The following DRD3 variants were observed in gnomAD, a reference collection of about 807,000 sequenced individuals.
DRD3 encodes the protein dopamine receptor D3.
DRD3 carries 19 observed loss-of-function variants against 36.3 expected under a neutral mutation model. The observed-to-expected ratio is 0.52, with a 90% CI of 0.36 to 0.77. The LOEUF (loss-of-function observed/expected upper bound fraction) is 0.77, where lower values mean the gene tolerates loss of function less well. Ranked by LOEUF, DRD3 falls within the 30% of genes least tolerant of loss-of-function variation. The pLI is 0.00. For missense variants in DRD3, 465 were observed against 505.3 expected (o/e 0.92, Z 0.77); for synonymous variants, 195 against 203.7 (o/e 0.96, Z 0.36).
chr3:114,164,349 G>A (rs563323616), intron 2 of DRD3, among the ~76,000 whole-genome samples: 1 of 151,442 alleles, frequency 6.6e-6, no homozygotes, highest in Admixed American at 6.6e-5. Context: ...CAGCAACCAG[G>A]TGGTGTTACT....
Position 114,140,024 on chromosome 3 carries a change from C to G in DRD3, c.527-328G>C, listed in dbSNP as rs75803210. Among the ~76,000 whole-genome samples the G allele has an allele frequency of 3.4e-4, 52 of 152,264 alleles. No individual in the cohort carries two copies. The East Asian group carries it at 9.5e-3, about 28-fold the overall frequency. ...AGATGATCCCTTTCATAGGATGTCA[C>G]AAGTGTCACACAGAGACATGCAGCC... On this transcript the variant is annotated intron_variant, in intron 4 of 6. Transcript: ENST00000383673.
intron 3 of DRD3, among the ~76,000 whole-genome samples, chr3:114,156,780 TTTCTTTCTTTCTTTCTTTCTC>T (rs2077679028): frequency 9.0e-6 from 1 of 111,136 alleles, no homozygotes; most frequent in Admixed American, 9.9e-5. Flanking sequence ...TCTTTCTTTC[TTTCTTTCTTTCTTTCTTTCTC>T]TTTTCTTTTT....
chr3:114,165,189 C>T (rs916020845), intron 2 of DRD3, among the ~76,000 whole-genome samples: 4 of 151,870 alleles, frequency 2.6e-5, no homozygotes, highest in African/African-American at 9.7e-5. Context: ...AGTGGCAGGT[C>T]CAAAATTCCT....
chr3:114,190,985 G>C (rs1336951187), intron 1 of DRD3, among the ~76,000 whole-genome samples: 2 of 152,156 alleles, frequency 1.3e-5, no homozygotes, highest in Admixed American at 6.5e-5. Context: ...GTTCAAGCTA[G>C]GGCATGATAA....
At chr3:114,156,144 C>T (rs1352807338) in intron 3 of DRD3, among the ~76,000 whole-genome samples, 1 of 152,178 alleles carries the variant, frequency 6.6e-6, no homozygotes, top group Non-Finnish European at 1.5e-5. Context: ...GCCAAAGCCA[C>T]ACCATTAGTA....
intron 1 of DRD3, among the ~76,000 whole-genome samples, chr3:114,190,239 CA>C (rs1205570227): frequency 6.6e-6 from 1 of 150,998 alleles, no homozygotes; most frequent in Non-Finnish European, 1.5e-5. Flanking sequence ...TATTTGAGCA[CA>C]GGGGTGGTGA....
intron 1 of DRD3, among the ~76,000 whole-genome samples, chr3:114,197,710 C>T (rs1316257841): frequency 6.6e-6 from 1 of 152,162 alleles, no homozygotes; most frequent in East Asian, 1.9e-4. Flanking sequence ...ATTCTTTCAC[C>T]ATTGAATTGC....
chr3:114,129,714 A>G (rs756495299), intron 6 of DRD3, among the ~76,000 whole-genome samples: 5 of 152,156 alleles, frequency 3.3e-5, no homozygotes, highest in African/African-American at 7.2e-5. Context: ...AACTGCCTTC[A>G]CTAACTCTAT....
At chr3:114,146,587 T>A (rs2077571621) in intron 4 of DRD3, among the ~76,000 whole-genome samples, 1 of 151,078 alleles carries the variant, frequency 6.6e-6, no homozygotes, top group Non-Finnish European at 1.5e-5. Flanking sequence ...TAATCCCAGC[T>A]ACTTGGGAGT....
In DRD3 at chr3:114,159,858, C is replaced by T. The variant is rs2077716754; in HGVS notation, c.280G>A (p.Gly94Arg). ...PWVVYLEVTGGVWNFSRICCD... is the reference protein window; with the variant it reads ...PWVVYLEVTGRVWNFSRICCD... ...CAAATGCGGCTGAAATTCCAGACTCCACCTGTCACCTGGGTATCAGAGACA... is the reference window on the plus strand; with the variant it reads ...CAAATGCGGCTGAAATTCCAGACTCTACCTGTCACCTGGGTATCAGAGACA... Residue 94 changes from glycine (G) to arginine (R), a missense_variant, in exon 3 of 7, where the codon GGA becomes AGA. Gly to Arg is a moderately radical substitution (Grantham distance 125). Transcript: ENST00000383673. The T allele has an allele frequency of 3.1e-6, 5 of 1,614,066 alleles. No individual in the cohort carries two copies. The highest frequency in any genetic ancestry group is 3.4e-6 in the Non-Finnish European group (4 of 1,179,914).
At chr3:114,166,620 G>A (rs184199983) in intron 2 of DRD3, among the ~76,000 whole-genome samples, 10 of 152,284 alleles carry the variant, frequency 6.6e-5, no homozygotes, top group Non-Finnish European at 1.0e-4. Context: ...AAATAAATCC[G>A]TTCTTTGTAA....
chr3:114,127,792 C>T lies in DRD3; in HGVS notation c.*924G>A, dbSNP rs566354405. Among the ~76,000 whole-genome samples the T allele has an allele frequency of 9.9e-5, 15 of 152,190 alleles. No individual in the cohort carries two copies. The highest frequency in any genetic ancestry group is 3.9e-4 in the East Asian group (2 of 5,180). On this transcript the variant is annotated 3_prime_UTR_variant, in exon 7 of 7. Coordinates refer to ENST00000383673, the MANE Select transcript of DRD3 (RefSeq NM_000796.6). ...CTCCATTATTATCTTATGAGACCAC[C>T]GTTGTATATGTGGTCCACTGTTGCC...
At chr3:114,170,082 T>C (rs1197034207) in intron 2 of DRD3, among the ~76,000 whole-genome samples, 2 of 152,206 alleles carry the variant, frequency 1.3e-5, no homozygotes, top group Non-Finnish European at 2.9e-5. Context: ...CTATGAGTTA[T>C]TGACCAATTC....
intron 3 of DRD3, among the ~76,000 whole-genome samples, chr3:114,154,931 C>T (rs76139936): frequency 1.3e-5 from 2 of 152,296 alleles, no homozygotes; most frequent in South Asian, 2.1e-4. Flanking sequence ...GCTTGTGCTC[C>T]GAGGACTTCC....
At chr3:114,148,380 T>C (rs1415858670) in intron 3 of DRD3, among the ~76,000 whole-genome samples, 1 of 152,214 alleles carries the variant, frequency 6.6e-6, no homozygotes, top group Admixed American at 6.5e-5. Context: ...TAGTAGATGT[T>C]TTAAAAATAG....
intron 1 of DRD3, among the ~76,000 whole-genome samples, chr3:114,195,685 A>G (rs887375756): frequency 6.6e-6 from 1 of 152,216 alleles, no homozygotes; most frequent in Admixed American, 6.5e-5. Context: ...AGGGGTAGCC[A>G]GTATATTGCC....
At chr3:114,196,286 T>A (rs2078035370) in intron 1 of DRD3, among the ~76,000 whole-genome samples, 1 of 152,142 alleles carries the variant, frequency 6.6e-6, no homozygotes, top group African/African-American at 2.4e-5. Context: ...GGATATATGC[T>A]TCTTTTTATT....
At chr3:114,158,204 G>A (rs1363401187) in intron 3 of DRD3, among the ~76,000 whole-genome samples, 1 of 150,258 alleles carries the variant, frequency 6.7e-6, no homozygotes, top group Non-Finnish European at 1.5e-5. Context: ...TTGAGTCCAG[G>A]AGTTTGAGAC....
intron 3 of DRD3, among the ~76,000 whole-genome samples, chr3:114,149,376 C>T (rs1179488772): frequency 6.6e-6 from 1 of 152,146 alleles, no homozygotes; most frequent in Non-Finnish European, 1.5e-5. Flanking sequence ...TATTTATCCA[C>T]CTATCCCTTT....
Sources: allele counts gnomAD v4.1 joint callset (sites outside exome capture counted in the v4.1 genomes callset), GRCh38; gene constraint gnomAD v4.1.1; transcripts MANE v1.5; gene names NCBI Gene and HGNC (gene_info 2026-07-23, HGNC 2026-07-21).